Variants in PDGFRL observed in about 807,000 individuals in gnomAD.
The protein encoded by PDGFRL is platelet-derived growth factor receptor-like protein.
Under a neutral mutation model 37.2 loss-of-function variants are expected in PDGFRL, and 46 were observed. The ratio of observed to expected loss-of-function variants is 1.24; its 90% CI spans 0.98 to 1.58. The LOEUF (loss-of-function observed/expected upper bound fraction) is 1.58, where lower values mean the gene tolerates loss of function less well. Among genes scored for constraint, PDGFRL ranks in the 40% most tolerant of loss-of-function variants. PDGFRL has a pLI of 0.00. For synonymous variants in PDGFRL, 251 were observed against 184.3 expected, an observed-to-expected ratio of 1.36 and a Z score of -2.93; for missense variants, 692 against 467.6, an observed-to-expected ratio of 1.48 and a Z score of -4.43.
In PDGFRL at chr8:17,633,951, G is replaced by C. The variant is rs575962646; in HGVS notation, c.800-123G>C. 214 of 966,156 alleles carry C rather than the reference G, an allele frequency of 2.2e-4. No individual in the cohort carries two copies. In the African/African-American group the frequency reaches 3.1e-3, roughly 14 times the overall value. 59.8% of individuals were successfully genotyped at this position (966,156 alleles called of 1,614,324 possible). On this transcript the variant is annotated intron_variant, in intron 4 of 5. Coordinates refer to ENST00000251630, the MANE Select transcript of PDGFRL (RefSeq NM_001372073.1). ...TGTGGGCTCACACTGTCCTCGCACT[G>C]GTCAGGGAGCTGTGAGAAAGGCAGA...
intron 2 of PDGFRL, among the ~76,000 whole-genome samples, chr8:17,590,253 A>AAAAAAAAAAAC (rs1356419901): frequency 6.9e-6 from 1 of 144,542 alleles, no homozygotes; most frequent in African/African-American, 2.6e-5. Flanking sequence ...AAAAAAAAAA[A>AAAAAAAAAAAC]AAATTGCAAA....
intron 3 of PDGFRL, among the ~76,000 whole-genome samples, chr8:17,627,579 C>G (rs571736956): frequency 1.3e-5 from 2 of 151,868 alleles, no homozygotes; most frequent in African/African-American, 4.8e-5. Flanking sequence ...AAGCAATTCT[C>G]ATGCTTCAGC....
At chr8:17,594,253 A>G (rs888537429) in intron 2 of PDGFRL, among the ~76,000 whole-genome samples, 6 of 151,798 alleles carry the variant, frequency 4.0e-5, no homozygotes, top group Admixed American at 3.3e-4. Context: ...ATTACATTTT[A>G]TTTTTGAGAC....
chr8:17,588,199 G>T (rs1463317843), intron 1 of PDGFRL, among the ~76,000 whole-genome samples: 1 of 152,114 alleles, frequency 6.6e-6, no homozygotes. Flanking sequence ...ACATTTTGTT[G>T]GTGAAATTCT....
At chr8:17,578,795 TACAA>T (rs2150805273) in intron 1 of PDGFRL, among the ~76,000 whole-genome samples, 1 of 152,306 alleles carries the variant, frequency 6.6e-6, no homozygotes, top group South Asian at 2.1e-4. Flanking sequence ...GTGTAATCCA[TACAA>T]ACAATAAGCA....
At chr8:17,631,889 C>T (rs1001255352) in intron 4 of PDGFRL, among the ~76,000 whole-genome samples, 3 of 152,210 alleles carry the variant, frequency 2.0e-5, no homozygotes, top group Non-Finnish European at 4.4e-5. Context: ...CTTTCCCACT[C>T]CTTGTTCTGT....
At chr8:17,628,357 T>TA (rs1227162571) in intron 3 of PDGFRL, 130 bp from the exon 4 acceptor site, 12 of 680,446 alleles carry the variant, frequency 1.8e-5, no homozygotes, top group African/African-American at 5.4e-5. Context: ...AGCATTAAAG[T>TA]AAAAAAAGAA....
chr8:17,579,547 ATTATTATTG>A (rs202180429), intron 1 of PDGFRL, among the ~76,000 whole-genome samples: 1,422 of 79,360 alleles, frequency 0.018, 14 homozygotes, highest in East Asian at 0.074. Flanking sequence ...TTATTATTTT[ATTATTATTG>A]TTATTATTAT....
rs922070148 is a variant in PDGFRL, at chr8:17,624,533, G to A, written c.505+3331G>A. Among the ~76,000 whole-genome samples the A allele has an allele frequency of 2.6e-5, 4 of 152,176 alleles. No individual in the cohort carries two copies. The South Asian group carries it at 6.2e-4, about 24-fold the overall frequency. The stretch of plus-strand genomic sequence containing the variant: ...TGTAACTCCCACCCAGATCAAGGAT[G>A]AGAACATTACCAGCAGCAGAGCTTT... On this transcript the variant is annotated intron_variant, in intron 3 of 5. Coordinates refer to ENST00000251630, the MANE Select transcript of PDGFRL (RefSeq NM_001372073.1).
At position 17,595,018 on chromosome 8, in the gene PDGFRL, C is replaced by G. The variant is rs893354012; in HGVS notation, c.353+5253C>G. Among the ~76,000 whole-genome samples, 67 of 148,694 alleles carry G rather than the reference C, an allele frequency of 4.5e-4. 2 individuals carry two copies. Among genetic ancestry groups the G allele is most frequent in the African/African-American group, 1.6e-3 (65 of 40,224 alleles). On this transcript the variant is annotated intron_variant, in intron 2 of 5. Coordinates refer to ENST00000251630, the MANE Select transcript of PDGFRL (RefSeq NM_001372073.1). ...TTTACCACGTACATTTTTTTTTTTTCCTGATGTACATCCTGATGTTGATTT... is the reference window on the plus strand; with the variant it reads ...TTTACCACGTACATTTTTTTTTTTTGCTGATGTACATCCTGATGTTGATTT...
At chr8:17,601,074 C>T (rs771576306) in intron 2 of PDGFRL, among the ~76,000 whole-genome samples, 1 of 152,196 alleles carries the variant, frequency 6.6e-6, no homozygotes. Flanking sequence ...CTAATTCCAT[C>T]CAGTTGCTCT....
At chr8:17,604,197 A>G (rs186840741) in intron 2 of PDGFRL, among the ~76,000 whole-genome samples, 1 of 152,210 alleles carries the variant, frequency 6.6e-6, no homozygotes, top group Non-Finnish European at 1.5e-5. Context: ...GGGATCTAGA[A>G]CTAGAAATAC....
chr8:17,626,018 A>G (rs1444219719), intron 3 of PDGFRL, among the ~76,000 whole-genome samples: 1 of 152,120 alleles, frequency 6.6e-6, no homozygotes, highest in African/African-American at 2.4e-5. Context: ...ACAAGAAGAT[A>G]TTTTTGTGTT....
intron 1 of PDGFRL, among the ~76,000 whole-genome samples, chr8:17,583,456 A>G (rs1803750661): frequency 6.6e-6 from 1 of 152,192 alleles, no homozygotes; most frequent in African/African-American, 2.4e-5. Flanking sequence ...TCAAGCTCAG[A>G]TGAGACTTTG....
chr8:17,589,856 CAT>C, intron 2 of PDGFRL, 91 bp downstream of exon 2: 1 of 771,738 alleles, frequency 1.3e-6, no homozygotes, highest in Non-Finnish European at 2.1e-6. Context: ...TTGTTTCTGA[CAT>C]GTTCCATTTT....
intron 3 of PDGFRL, among the ~76,000 whole-genome samples, chr8:17,625,295 G>A (rs1050143240): frequency 3.3e-5 from 5 of 152,112 alleles, no homozygotes; most frequent in African/African-American, 1.2e-4. Context: ...GGGATTACAG[G>A]CATGCGCCAC....
At chr8:17,580,323 G>C (rs1213409722) in intron 1 of PDGFRL, among the ~76,000 whole-genome samples, 1 of 150,806 alleles carries the variant, frequency 6.6e-6, no homozygotes, top group Non-Finnish European at 1.5e-5. Context: ...GTTTATTTTT[G>C]AGAAAAAAAA....
chr8:17,633,675 G>A (rs1804906669), intron 4 of PDGFRL, among the ~76,000 whole-genome samples: 2 of 152,116 alleles, frequency 1.3e-5, no homozygotes, highest in African/African-American at 2.4e-5. Flanking sequence ...CGTCTTCTGC[G>A]GATGGTCAGC....
intron 5 of PDGFRL, among the ~76,000 whole-genome samples, chr8:17,641,644 T>G (rs73666202): frequency 0.061 from 9,276 of 152,188 alleles, 457 homozygotes; most frequent in East Asian, 0.24. Context: ...TGCAGCGTAT[T>G]TAGCCCTTGT....
Sources: allele counts gnomAD v4.1 joint callset (sites outside exome capture counted in the v4.1 genomes callset), GRCh38; gene constraint gnomAD v4.1.1; transcripts MANE v1.5; gene names NCBI Gene and HGNC (gene_info 2026-07-23, HGNC 2026-07-21).